The following UNC13C variants were observed in gnomAD, a reference collection of about 807,000 sequenced individuals.
UNC13C encodes the protein unc-13 homolog C, also known as protein unc-13 homolog C.
A neutral mutation model predicts 245.4 loss-of-function variants in UNC13C; 174 were observed. The ratio of observed to expected loss-of-function variants is 0.71; its 90% CI spans 0.63 to 0.80. UNC13C has a LOEUF of 0.80. Among genes scored for constraint, UNC13C ranks in the 30% least tolerant of loss-of-function variants. The probability of loss-of-function intolerance (pLI) is 0.00; values close to 1 mark genes in which losing one functional copy is unlikely to be tolerated. For synonymous variants in UNC13C, 992 were observed against 895.1 expected, an observed-to-expected ratio of 1.11 and a Z score of -1.93; for missense variants, 2,829 against 2,602.9, an observed-to-expected ratio of 1.09 and a Z score of -1.89.
At chr15:54,329,754 G>A (rs11858201) in intron 14 of UNC13C, among the ~76,000 whole-genome samples, 46,594 of 151,968 alleles carry the variant, frequency 0.31, 7,378 homozygotes, top group Non-Finnish European at 0.33. Flanking sequence ...GTGACAAGAA[G>A]CCCAGCAGTT....
At chr15:54,585,506 ATTCGTTT>A (rs1898442978) in intron 30 of UNC13C, among the ~76,000 whole-genome samples, 1 of 152,220 alleles carries the variant, frequency 6.6e-6, no homozygotes, top group African/African-American at 2.4e-5. Context: ...AGCCTCAGGT[ATTCGTTT>A]ATAGCAATCC....
intron 4 of UNC13C, among the ~76,000 whole-genome samples, chr15:54,214,139 A>G (rs72730859): frequency 0.22 from 33,030 of 151,948 alleles, 3,770 homozygotes; most frequent in Middle Eastern, 0.3. Context: ...TTTAAAAATT[A>G]TATTTTAATT....
chr15:54,061,125 A>C (rs1156333994), intron 2 of UNC13C, among the ~76,000 whole-genome samples: 1 of 22 alleles, frequency 0.045, no homozygotes, highest in Non-Finnish European at 0.062. Flanking sequence ...AATAATAATA[A>C]AAAAAAAAGG....
chr15:54,484,236 T>G (rs1893286584), intron 19 of UNC13C, among the ~76,000 whole-genome samples: 1 of 152,208 alleles, frequency 6.6e-6, no homozygotes, highest in Non-Finnish European at 1.5e-5. Flanking sequence ...CTCAAACACA[T>G]CTGAATGGGT....
intron 29 of UNC13C, 46 bp downstream of exon 29, chr15:54,555,558 T>C: frequency 6.8e-7 from 1 of 1,460,314 alleles, no homozygotes; most frequent in Non-Finnish European, 9.5e-7. Flanking sequence ...AGGCCCCCAT[T>C]TACCTCCAGA....
intron 10 of UNC13C, among the ~76,000 whole-genome samples, chr15:54,270,628 T>C (rs969353192): frequency 6.6e-6 from 1 of 151,764 alleles, no homozygotes. Context: ...CCAACTTGAA[T>C]AGTGAGGCCA....
chr15:54,080,625 C>T (rs1466456199), intron 2 of UNC13C, among the ~76,000 whole-genome samples: 1 of 151,972 alleles, frequency 6.6e-6, no homozygotes, highest in Admixed American at 6.6e-5. Flanking sequence ...TCATAGTAGT[C>T]TTTATGGATC....
chr15:54,311,941 T>G (rs1256841475), intron 13 of UNC13C, among the ~76,000 whole-genome samples: 2 of 151,830 alleles, frequency 1.3e-5, no homozygotes, highest in Admixed American at 1.3e-4. Context: ...AATTATCTTA[T>G]TAGTGCTTAA....
Position 54,169,578 on chromosome 15 carries a change from T to G in UNC13C, c.3071+25894T>G, listed in dbSNP as rs190496882. Among the ~76,000 whole-genome samples, 663 of 152,314 alleles carry G rather than the reference T, an allele frequency of 4.4e-3. 3 individuals carry two copies. The highest frequency in any genetic ancestry group is 0.017 in the Middle Eastern group (5 of 294). The stretch of plus-strand genomic sequence containing the variant: ...TTAACATGACCCAGAAGGCCTGGGC[T>G]GCCTCTCCAGCCTCATTTCATGCCT... On this transcript the variant is annotated intron_variant, in intron 4 of 32. Coordinates refer to ENST00000260323, the MANE Select transcript of UNC13C (RefSeq NM_001080534.3).
At chr15:54,161,796 C>CA (rs771880880) in intron 4 of UNC13C, among the ~76,000 whole-genome samples, 69 of 151,744 alleles carry the variant, frequency 4.5e-4, no homozygotes, top group Admixed American at 1.1e-3. Flanking sequence ...CATAAGAATA[C>CA]AAAAAAAATT....
intron 17 of UNC13C, among the ~76,000 whole-genome samples, chr15:54,340,784 C>T (rs1052172783): frequency 6.6e-6 from 1 of 152,002 alleles, no homozygotes; most frequent in African/African-American, 2.4e-5. Context: ...GTTTTGGTTC[C>T]ATATGAATTT....
chr15:53,922,780 A>G, the UNC13C span, among the ~76,000 whole-genome samples: 1 of 152,198 alleles, frequency 6.6e-6, no homozygotes, highest in Non-Finnish European at 1.5e-5. Context: ...CAGTATTTTT[A>G]ATTTCAGTGA....
chr15:54,099,252 T>C (rs1900039550), intron 2 of UNC13C, among the ~76,000 whole-genome samples: 1 of 152,086 alleles, frequency 6.6e-6, no homozygotes, highest in South Asian at 2.1e-4. Flanking sequence ...GCTATAGCAT[T>C]TAAGTTGGAT....
chr15:54,024,500 TTTC>T (rs1273804311), intron 2 of UNC13C, among the ~76,000 whole-genome samples: 2 of 152,178 alleles, frequency 1.3e-5, no homozygotes, highest in Non-Finnish European at 2.9e-5. Context: ...AATAGAACTG[TTTC>T]CTGCACTAAA....
chr15:54,404,514 C>T (rs1330832388), intron 18 of UNC13C, among the ~76,000 whole-genome samples: 1 of 152,074 alleles, frequency 6.6e-6, no homozygotes, highest in African/African-American at 2.4e-5. Flanking sequence ...TAAACCTCCT[C>T]TTTATGATGG....
intron 29 of UNC13C, among the ~76,000 whole-genome samples, chr15:54,559,134 A>G (rs1002868721): frequency 2.0e-5 from 3 of 152,050 alleles, no homozygotes; most frequent in Non-Finnish European, 2.9e-5. Flanking sequence ...AACAATAAAC[A>G]TGTGAATCAG....
the UNC13C span, among the ~76,000 whole-genome samples, chr15:53,965,375 CA>C: frequency 7.2e-5 from 11 of 152,088 alleles, no homozygotes; most frequent in African/African-American, 2.6e-4. Flanking sequence ...GCCTTCAGTA[CA>C]ATTACTTCAT....
At chr15:54,033,393 G>A (rs1444875853) in intron 2 of UNC13C, among the ~76,000 whole-genome samples, 2 of 152,020 alleles carry the variant, frequency 1.3e-5, no homozygotes, top group Admixed American at 6.6e-5. Context: ...TAAATGACAA[G>A]AAAAAATTTT....
chr15:53,853,466 G>A, the UNC13C span, among the ~76,000 whole-genome samples: 7 of 152,138 alleles, frequency 4.6e-5, no homozygotes, highest in African/African-American at 1.4e-4. Context: ...ATGAACATAC[G>A]TATGCATGTG....
Sources: allele counts gnomAD v4.1 joint callset (sites outside exome capture counted in the v4.1 genomes callset), GRCh38; gene constraint gnomAD v4.1.1; transcripts MANE v1.5; gene names NCBI Gene and HGNC (gene_info 2026-07-23, HGNC 2026-07-21).